GABRG3: variants seen among roughly 807,000 people sequenced by gnomAD.
GABRG3 encodes gamma-aminobutyric acid type A receptor subunit gamma3, also known as gamma-aminobutyric acid receptor subunit gamma-3.
Under a neutral mutation model 48.8 loss-of-function variants are expected in GABRG3, and 25 were observed. The ratio of observed to expected loss-of-function variants is 0.51; its 90% CI spans 0.37 to 0.72. The LOEUF (loss-of-function observed/expected upper bound fraction) is 0.72. Ranked by LOEUF, GABRG3 falls within the 30% of genes least tolerant of loss-of-function variation. The pLI, the probability that GABRG3 is intolerant of heterozygous loss-of-function variation, is 0.00. For synonymous variants in GABRG3, 227 were observed against 217.6 expected (o/e 1.04, Z -0.38); for missense variants, 394 against 577.9 (o/e 0.68, Z 3.26).
chr15:27,154,506 C>G lies in GABRG3; in HGVS notation c.270+127685C>G, dbSNP rs73373434. On this transcript the variant is annotated intron_variant, in intron 3 of 9. Transcript: ENST00000615808. ...TGTTTATCAAGTTGAGGAAGTTCTCCTCTGTTCAGTTTGCTGAGAGGTTTT... is the reference window on the plus strand; with the variant it reads ...TGTTTATCAAGTTGAGGAAGTTCTCGTCTGTTCAGTTTGCTGAGAGGTTTT... Among the ~76,000 whole-genome samples the G allele has an allele frequency of 5.5e-3, 842 of 152,252 alleles. 9 individuals are homozygous for G. The highest frequency in any genetic ancestry group is 0.019 in the African/African-American group (799 of 41,548).
intron 3 of GABRG3, among the ~76,000 whole-genome samples, chr15:27,094,815 T>C (rs189259131): frequency 4.9e-4 from 74 of 152,300 alleles, no homozygotes; most frequent in African/African-American, 1.7e-3. Context: ...TTTAAAAATA[T>C]AGCAAAGCAC....
At chr15:27,289,640 C>G (rs1051166366) in intron 3 of GABRG3, among the ~76,000 whole-genome samples, 2 of 152,102 alleles carry the variant, frequency 1.3e-5, no homozygotes, top group African/African-American at 2.4e-5. Flanking sequence ...TCTAACAATT[C>G]TGATACCACT....
intron 5 of GABRG3, among the ~76,000 whole-genome samples, chr15:27,372,789 G>C (rs972065610): frequency 6.6e-6 from 1 of 152,036 alleles, no homozygotes; most frequent in Non-Finnish European, 1.5e-5. Flanking sequence ...TACTTCCCTG[G>C]CCTCTTCATA....
At chr15:27,422,927 C>T (rs1765022508) in intron 5 of GABRG3, among the ~76,000 whole-genome samples, 1 of 152,052 alleles carries the variant, frequency 6.6e-6, no homozygotes, top group Admixed American at 6.6e-5. Flanking sequence ...TGAATGAAGT[C>T]CAAAGTGGCC....
intron 3 of GABRG3, among the ~76,000 whole-genome samples, chr15:27,213,249 C>T (rs968829474): frequency 1.3e-5 from 2 of 152,212 alleles, no homozygotes; most frequent in African/African-American, 4.8e-5. Flanking sequence ...AGAGGCTTCA[C>T]ATAATTTCAG....
chr15:27,099,308 C>T (rs1897317010), intron 3 of GABRG3, among the ~76,000 whole-genome samples: 1 of 152,104 alleles, frequency 6.6e-6, no homozygotes, highest in South Asian at 2.1e-4. Flanking sequence ...GCATCACAGC[C>T]TGGGCACTTT....
chr15:26,985,344 G>A lies in GABRG3; in HGVS notation c.202+8194G>A, dbSNP rs10153029. ...GGCAGCGCGAGAGGAATCCCTGCCC[G>A]TTCCTGGATGAGGAAGTGAAAACAG... On this transcript the variant is annotated intron_variant, in intron 2 of 9. Transcript: ENST00000615808. 5.5e-3 allele frequency among the ~76,000 whole-genome samples: 835 copies of A among 152,322 alleles called. 13 individuals are homozygous for A. The highest frequency in any genetic ancestry group is 0.018 in the African/African-American group (757 of 41,574).
chr15:27,070,611 G>T (rs539265188), intron 3 of GABRG3, among the ~76,000 whole-genome samples: 1 of 152,182 alleles, frequency 6.6e-6, no homozygotes, highest in African/African-American at 2.4e-5. Context: ...AGAGATTGAA[G>T]TAGAGGATTT....
chr15:27,244,830 AT>A (rs1295795796), intron 3 of GABRG3, among the ~76,000 whole-genome samples: 1 of 151,872 alleles, frequency 6.6e-6, no homozygotes, highest in East Asian at 1.9e-4. Context: ...TATTTCCTTA[AT>A]TTTTTTCTTT....
At chr15:27,431,733 G>T (rs1165986660) in intron 5 of GABRG3, among the ~76,000 whole-genome samples, 3 of 152,100 alleles carry the variant, frequency 2.0e-5, no homozygotes, top group Non-Finnish European at 4.4e-5. Context: ...ATGTGTGTTT[G>T]TTTTGCTGAG....
At position 27,410,856 on chromosome 15, in the gene GABRG3, G is replaced by A. The variant is rs868047596; in HGVS notation, c.575-69794G>A. Among the ~76,000 whole-genome samples the A allele has an allele frequency of 9.0e-3, 1,338 of 149,136 alleles. 16 individuals are homozygous for A. Among genetic ancestry groups the A allele is most frequent in the South Asian group, 0.035 (163 of 4,686 alleles). On this transcript the variant is annotated intron_variant, in intron 5 of 9. Coordinates refer to ENST00000615808, the MANE Select transcript of GABRG3 (RefSeq NM_033223.5). ...CACGTGCGCACGCTCGTGTGTGTGTGTGTGTGTGTGTGTGTGTGTGTGTGT... is the reference window on the plus strand; with the variant it reads ...CACGTGCGCACGCTCGTGTGTGTGTATGTGTGTGTGTGTGTGTGTGTGTGT...
intron 3 of GABRG3, among the ~76,000 whole-genome samples, chr15:27,191,736 A>G (rs533305482): frequency 6.6e-6 from 1 of 151,404 alleles, no homozygotes; most frequent in Non-Finnish European, 1.5e-5. Flanking sequence ...TTTAAAGTTA[A>G]TATTGTTATG....
At chr15:27,407,965 T>C (rs948960642) in intron 5 of GABRG3, among the ~76,000 whole-genome samples, 3 of 152,162 alleles carry the variant, frequency 2.0e-5, no homozygotes, top group Admixed American at 2.0e-4. Context: ...ACCACGGACT[T>C]TGTGTGACAA....
At chr15:27,028,075 T>C (rs193072181) in intron 3 of GABRG3, among the ~76,000 whole-genome samples, 2 of 152,318 alleles carry the variant, frequency 1.3e-5, no homozygotes, top group East Asian at 1.9e-4. Context: ...AGAATTTACT[T>C]TGTGCCTCGT....
chr15:27,170,517 C>T (rs1035577094), intron 3 of GABRG3, among the ~76,000 whole-genome samples: 1 of 151,708 alleles, frequency 6.6e-6, no homozygotes, highest in Non-Finnish European at 1.5e-5. Flanking sequence ...CTCAGCTGAT[C>T]CAAAAGAAAA....
At position 27,352,781 on chromosome 15, in the gene GABRG3, A is replaced by G. The variant is rs28671569; in HGVS notation, c.574+23893A>G. Among the ~76,000 whole-genome samples, 99,709 of 152,018 alleles carry G rather than the reference A, an allele frequency of 0.66. 34,815 individuals are homozygous for G. The highest frequency in any genetic ancestry group is 0.9 in the African/African-American group (37,272 of 41,478). On this transcript the variant is annotated intron_variant, in intron 5 of 9. Coordinates refer to ENST00000615808, the MANE Select transcript of GABRG3 (RefSeq NM_033223.5). The surrounding 1 kb of genome is among the most constrained non-coding windows in gnomAD (Gnocchi z 4.0). The stretch of plus-strand genomic sequence containing the variant: ...TTCACGCAGATGCATGGGGTGATAT[A>G]GCGCAAGGTGGAGGGTGCAATATGG...
At chr15:27,140,033 C>T (rs185955) in intron 3 of GABRG3, among the ~76,000 whole-genome samples, 34,852 of 152,178 alleles carry the variant, frequency 0.23, 5,210 homozygotes, top group Non-Finnish European at 0.33. Flanking sequence ...AGGGAGGGCT[C>T]GGAAGCTCCA....
Position 27,540,300 on chromosome 15 carries a change from A to G in GABRG3, c.*7419A>G, listed in dbSNP as rs1026542762. The G allele has an allele frequency of 1.3e-5, 2 of 151,514 alleles. No homozygotes were observed. The highest frequency in any genetic ancestry group is 2.9e-5 in the Non-Finnish European group (2 of 67,872). The allele number at this position is 151,514 out of a possible 1,614,324, so 9.4% of individuals were successfully genotyped here. A position where few individuals can be genotyped will look rare whatever the true frequency, so the allele number is the denominator to read the frequency against. ...TTTTCCGTTTTTACCTTAGTTGGCT[A>G]TTTTATTCCTTTTCGTAAAGATAAC... is the stretch of plus-strand genomic sequence containing the variant. On this transcript the variant is annotated 3_prime_UTR_variant, in exon 10 of 10. Transcript: ENST00000615808.
chr15:27,156,580 C>T (rs1898434981), intron 3 of GABRG3, among the ~76,000 whole-genome samples: 1 of 152,132 alleles, frequency 6.6e-6, no homozygotes, highest in South Asian at 2.1e-4. Context: ...GATTGTTTTA[C>T]ATGTAATATC....
Sources: allele counts gnomAD v4.1 joint callset (sites outside exome capture counted in the v4.1 genomes callset), GRCh38; gene constraint gnomAD v4.1.1; non-coding constraint Gnocchi (gnomAD v3.1); transcripts MANE v1.5; gene names NCBI Gene and HGNC (gene_info 2026-07-23, HGNC 2026-07-21).